The following POLR3B variants were observed in gnomAD, a reference collection of about 807,000 sequenced individuals.
The protein encoded by POLR3B is DNA-directed RNA polymerase III subunit RPC2.
Under a neutral mutation model 147.4 loss-of-function variants are expected in POLR3B, and 96 were observed. The observed-to-expected ratio is 0.65, with a 90% CI of 0.55 to 0.77. The LOEUF is 0.77. POLR3B is among the 30% of genes least tolerant of loss of function. The pLI is 0.00. For missense variants in POLR3B, 1,036 were observed against 1,413.5 expected, an observed-to-expected ratio of 0.73 and a Z score of 4.28; for synonymous variants, 461 against 485.9, an observed-to-expected ratio of 0.95 and a Z score of 0.67.
intron 23 of POLR3B, among the ~76,000 whole-genome samples, chr12:106,467,816 G>A (rs2038027120): frequency 6.6e-6 from 1 of 152,204 alleles, no homozygotes; most frequent in African/African-American, 2.4e-5. Flanking sequence ...CTTGATCGTG[G>A]TGGAAAAGCT....
intron 11 of POLR3B, among the ~76,000 whole-genome samples, 179 bp downstream of exon 11, chr12:106,406,155 A>G (rs2037148424): frequency 6.6e-6 from 1 of 152,158 alleles, no homozygotes; most frequent in Admixed American, 6.6e-5. Context: ...ATACTCGGAG[A>G]ATGTTAGCTG....
rs183897414 is a variant in POLR3B, at chr12:106,426,408, A to C, written c.1102-789A>C. On this transcript the variant is annotated intron_variant, in intron 12 of 27. Coordinates refer to ENST00000228347, the MANE Select transcript of POLR3B (RefSeq NM_018082.6). ...TGGGATTACAGGCACCCGCCACCAG[A>C]CCCGGCTAATTTTTGTATTTTTAGT... 9.0e-4 allele frequency among the ~76,000 whole-genome samples: 137 copies of C among 151,644 alleles called. 1 individual carries two copies. The highest frequency in any genetic ancestry group is 3.4e-3 in the Middle Eastern group (1 of 292).
chr12:106,431,923 T>G (rs1010155100), intron 14 of POLR3B, among the ~76,000 whole-genome samples: 5 of 152,208 alleles, frequency 3.3e-5, no homozygotes, highest in African/African-American at 4.8e-5. Flanking sequence ...TTTTATATTT[T>G]TATGTAGCTG....
At chr12:106,466,270 A>G (rs1428723637) in intron 23 of POLR3B, among the ~76,000 whole-genome samples, 1 of 152,152 alleles carries the variant, frequency 6.6e-6, no homozygotes, top group African/African-American at 2.4e-5. Context: ...GTGTCTGTTC[A>G]TATCCCTTGC....
chr12:106,385,611 C>CA (rs1192474112), intron 9 of POLR3B, among the ~76,000 whole-genome samples: 1 of 152,088 alleles, frequency 6.6e-6, no homozygotes, highest in Non-Finnish European at 1.5e-5. Context: ...AATCAGGTGA[C>CA]AGAGTATAGG....
intron 10 of POLR3B, among the ~76,000 whole-genome samples, chr12:106,399,714 A>G (rs2037034708): frequency 6.6e-6 from 1 of 152,206 alleles, no homozygotes. Context: ...AGAATTTCAT[A>G]TCCAGCCAAA....
rs529893554 is a variant in POLR3B at position 106,370,150 on chromosome 12, C to T, written c.404+467C>T. ...TCCTGATTAGGGAAATATATTGACT[C>T]TCCTTTAGAAATGGACAAAACCCAC... On this transcript the variant is annotated intron_variant, in intron 6 of 27. Coordinates refer to ENST00000228347, the MANE Select transcript of POLR3B (RefSeq NM_018082.6). Among the ~76,000 whole-genome samples, 9 of 152,280 alleles carry T rather than the reference C, an allele frequency of 5.9e-5. No individual in the cohort carries two copies. In the South Asian group the frequency reaches 1.7e-3, roughly 28 times the overall value.
chr12:106,442,891 G>A (rs1488106079), intron 18 of POLR3B, among the ~76,000 whole-genome samples: 1 of 152,042 alleles, frequency 6.6e-6, no homozygotes, highest in African/African-American at 2.4e-5. Flanking sequence ...ACACATCTGA[G>A]TAGCTTCATC....
intron 6 of POLR3B, among the ~76,000 whole-genome samples, chr12:106,374,539 G>C (rs2036652092): frequency 1.3e-5 from 2 of 150,830 alleles, no homozygotes; most frequent in African/African-American, 4.9e-5. Context: ...TTTTGAGATG[G>C]AGTCTCGCTC....
chr12:106,483,478 C>T (rs2038296551), intron 23 of POLR3B, among the ~76,000 whole-genome samples: 1 of 152,042 alleles, frequency 6.6e-6, no homozygotes, highest in South Asian at 2.1e-4. Flanking sequence ...AAGATGGATA[C>T]GAAGGATTAC....
intron 2 of POLR3B, among the ~76,000 whole-genome samples, chr12:106,364,666 T>G (rs2036508921): frequency 6.6e-6 from 1 of 152,250 alleles, no homozygotes; most frequent in Admixed American, 6.5e-5. Flanking sequence ...CTCATAGCAG[T>G]ATTATTCATA....
chr12:106,407,744 G>A (rs1189046438), intron 11 of POLR3B, among the ~76,000 whole-genome samples: 2 of 152,082 alleles, frequency 1.3e-5, no homozygotes, highest in African/African-American at 4.8e-5. Context: ...CAGGAGAATC[G>A]CTTGAAACTG....
Position 106,496,167 on chromosome 12 carries a change from C to G in POLR3B, c.2817+9C>G, listed in dbSNP as rs2038481212. On this transcript the variant is annotated intron_variant, in intron 24 of 27. Coordinates refer to ENST00000228347, the MANE Select transcript of POLR3B (RefSeq NM_018082.6). ...TCCCATCACGAATGACGGTCAGTGA[C>G]CTGTAGGTTTTTCAGAGGCATTGCC... is the stretch of plus-strand genomic sequence containing the variant. 4 of 1,528,556 alleles carry G rather than the reference C, an allele frequency of 2.6e-6. No homozygotes were observed. Among genetic ancestry groups the G allele is most frequent in the Non-Finnish European group, 3.6e-6 (4 of 1,101,910 alleles). 94.7% of individuals were successfully genotyped at this position (1,528,556 alleles called of 1,614,324 possible).
intron 20 of POLR3B, 76 bp downstream of exon 20, chr12:106,454,787 A>G: frequency 1.2e-6 from 1 of 823,372 alleles, no homozygotes; most frequent in Non-Finnish European, 2.1e-6. Flanking sequence ...TGTAAAAATC[A>G]CTTGGTTAAT....
intron 23 of POLR3B, among the ~76,000 whole-genome samples, chr12:106,486,777 T>C (rs537717102): frequency 6.6e-6 from 1 of 152,364 alleles, no homozygotes; most frequent in South Asian, 2.1e-4. Flanking sequence ...TGTAAAACAC[T>C]ATCCCCACTC....
At chr12:106,415,571 G>A (rs1336579438) in intron 12 of POLR3B, among the ~76,000 whole-genome samples, 2 of 152,150 alleles carry the variant, frequency 1.3e-5, no homozygotes, top group Non-Finnish European at 2.9e-5. Context: ...ATTTTCCCAG[G>A]AGATATGTAT....
intron 23 of POLR3B, among the ~76,000 whole-genome samples, chr12:106,477,234 T>C (rs1470437371): frequency 9.8e-6 from 1 of 102,350 alleles, no homozygotes; most frequent in Non-Finnish European, 1.9e-5. Context: ...TTCTCAGATC[T>C]CAAGCTGCGT....
chr12:106,434,714 A>G (rs770327360), intron 16 of POLR3B, among the ~76,000 whole-genome samples: 31 of 152,152 alleles, frequency 2.0e-4, no homozygotes, highest in Non-Finnish European at 1.9e-4. Context: ...TTGAAGCACA[A>G]GGCAGTGAGC....
In POLR3B at chr12:106,493,968, C is replaced by T. The variant is rs191516509; in HGVS notation, c.2714-2087C>T. Among the ~76,000 whole-genome samples, 262 of 152,116 alleles carry T rather than the reference C, an allele frequency of 1.7e-3. 2 individuals carry two copies. Among genetic ancestry groups the T allele is most frequent in the African/African-American group, 6.0e-3 (248 of 41,508 alleles). On this transcript the variant is annotated intron_variant, in intron 23 of 27. Transcript: ENST00000228347. The stretch of plus-strand genomic sequence containing the variant: ...CAGGTGCCCTTGGTTCAGATATTGC[C>T]AAAGCAGTTCCTATAATGGAAGGAA...
Sources: gnomAD v4.1 joint callset for allele counts (sites outside exome capture counted in the v4.1 genomes callset) on GRCh38, gnomAD v4.1.1 for gene constraint, MANE v1.5 for transcripts, NCBI Gene and HGNC (gene_info 2026-07-23, HGNC 2026-07-21) for gene names.